SMIM23: variants seen among roughly 807,000 people sequenced by gnomAD.
The protein encoded by SMIM23 is small integral membrane protein 23, also known as CTB-78H18.1.
In SMIM23, 10 loss-of-function variants were observed where a neutral mutation model predicts 12.8. The ratio of observed to expected loss-of-function variants is 0.78; its 90% CI spans 0.48 to 1.32. The LOEUF is 1.32. SMIM23 is among the 40% of genes most tolerant of loss of function. SMIM23 has a pLI of 0.00. For synonymous variants in SMIM23, 78 were observed against 80.1 expected (o/e 0.97, Z 0.14); for missense variants, 184 against 198.2 (o/e 0.93, Z 0.43).
chr5:171,787,906 T>C (rs547974197), intron 1 of SMIM23, among the ~76,000 whole-genome samples: 1 of 152,280 alleles, frequency 6.6e-6, no homozygotes, highest in Admixed American at 6.5e-5. Flanking sequence ...ATTGTGTCTG[T>C]GAAACTCAAC....
At chr5:171,781,290 G>T (rs1037038367), upstream of SMIM23, among the ~76,000 whole-genome samples, 33 of 152,262 alleles carry the variant, frequency 2.2e-4, no homozygotes, top group Admixed American at 7.8e-4. Context: ...TCAAGATGGC[G>T]GCTCCGTCTT....
chr5:171,776,594 C>T, the SMIM23 span, among the ~76,000 whole-genome samples: 210 of 152,272 alleles, frequency 1.4e-3, 1 homozygote, highest in African/African-American at 4.9e-3. Flanking sequence ...CAGAAGACCA[C>T]TGATAGGGTC....
At chr5:171,777,701 G>A (rs1755664438), upstream of SMIM23, among the ~76,000 whole-genome samples, 1 of 152,192 alleles carries the variant, frequency 6.6e-6, no homozygotes. Context: ...CGAGAGCTCG[G>A]ACATCCCCCA....
chr5:171,777,866 G>C (rs1480003622), upstream of SMIM23, among the ~76,000 whole-genome samples: 1 of 152,166 alleles, frequency 6.6e-6, no homozygotes, highest in Non-Finnish European at 1.5e-5. Flanking sequence ...AGCAGCAGAA[G>C]CCTCCAGCCT....
chr5:171,778,472 C>G (rs1488610807), upstream of SMIM23, among the ~76,000 whole-genome samples: 1 of 148,474 alleles, frequency 6.7e-6, no homozygotes, highest in Non-Finnish European at 1.5e-5. Context: ...CACACACACA[C>G]ACACACACAC....
chr5:171,780,443 T>C (rs1755708344), upstream of SMIM23, among the ~76,000 whole-genome samples: 1 of 152,184 alleles, frequency 6.6e-6, no homozygotes, highest in Admixed American at 6.5e-5. Context: ...CTCCCTGCCC[T>C]GAGACCAAAT....
chr5:171,775,846 A>T, the SMIM23 span, among the ~76,000 whole-genome samples: 665 of 151,756 alleles, frequency 4.4e-3, 5 homozygotes, highest in African/African-American at 0.015. Context: ...CCCTTACGAC[A>T]ACCCTATAAG....
In SMIM23 at chr5:171,790,257, C is replaced by A. The variant is rs113755317; in HGVS notation, c.133C>A (p.Leu45Met). The A allele has an allele frequency of 3.8e-4, 584 of 1,536,072 alleles. 1 individual carries two copies. The African/African-American group carries it at 7.1e-3, about 19-fold the overall frequency. Reference sequence around the variant, plus strand: ...GCTGTTGGCATTGCTGATCTTGGTGCTGTACTTGAGCACAGAGATATGGGG... The same window carrying A: ...GCTGTTGGCATTGCTGATCTTGGTGATGTACTTGAGCACAGAGATATGGGG... Reference protein sequence around the residue: ...QTLLALLILVLYLSTEIWGSS... With the variant: ...QTLLALLILVMYLSTEIWGSS... Residue 45 changes from leucine (L) to methionine (M), a missense_variant, in exon 2 of 4, where the codon CTG (leucine) becomes ATG (methionine). Leu to Met is a conservative substitution (Grantham distance 15). Coordinates refer to ENST00000523047, the MANE Select transcript of SMIM23 (RefSeq NM_001289970.2).
chr5:171,781,880 G>GCACC (rs1392820473), upstream of SMIM23, among the ~76,000 whole-genome samples: 1 of 152,156 alleles, frequency 6.6e-6, no homozygotes, highest in East Asian at 1.9e-4. Context: ...GATTGTAAAT[G>GCACC]CACCAATCAG....
chr5:171,783,828 T>C (rs1352926228), upstream of SMIM23, among the ~76,000 whole-genome samples: 1 of 152,206 alleles, frequency 6.6e-6, no homozygotes, highest in East Asian at 1.9e-4. Flanking sequence ...GTATCTAAAA[T>C]GAGCAAAGAA....
the SMIM23 span, among the ~76,000 whole-genome samples, chr5:171,776,378 G>A: frequency 2.6e-5 from 4 of 152,160 alleles, no homozygotes; most frequent in South Asian, 8.3e-4. Flanking sequence ...TCACTTTCAC[G>A]TACATCGTCA....
chr5:171,784,791 G>T (rs1366014830), upstream of SMIM23, among the ~76,000 whole-genome samples: 1 of 152,158 alleles, frequency 6.6e-6, no homozygotes, highest in African/African-American at 2.4e-5. Context: ...GTTTTGAACA[G>T]GTTTGGAACG....
the SMIM23 span, among the ~76,000 whole-genome samples, chr5:171,775,542 T>C: frequency 2.6e-5 from 4 of 152,106 alleles, no homozygotes; most frequent in Non-Finnish European, 5.9e-5. Flanking sequence ...TCTCCTCCAG[T>C]TTGACTTACC....
At chr5:171,787,216 C>A (rs189709273) in intron 1 of SMIM23, among the ~76,000 whole-genome samples, 2 of 152,074 alleles carry the variant, frequency 1.3e-5, no homozygotes, top group African/African-American at 4.8e-5. Flanking sequence ...GACAGGGTTT[C>A]GCCATATTGG....
upstream of SMIM23, chr5:171,782,457 T>G (rs1209767117): frequency 6.6e-6 from 1 of 152,220 alleles, no homozygotes; most frequent in African/African-American, 2.4e-5. Flanking sequence ...CAACAGAAAC[T>G]AACAGTGCCG....
upstream of SMIM23, among the ~76,000 whole-genome samples, chr5:171,779,139 A>AT (rs1342741697): frequency 3.3e-5 from 5 of 152,154 alleles, no homozygotes; most frequent in Non-Finnish European, 5.9e-5. Flanking sequence ...CACAAAGTGA[A>AT]TTTTTTTCTA....
At position 171,791,073 on chromosome 5, in the gene SMIM23, CG is replaced by C; in HGVS notation, c.508del (p.Ala170GlnfsTer6). On this transcript the variant is annotated frameshift_variant, in exon 4 of 4. Transcript: ENST00000523047. LOFTEE classifies it high-confidence loss of function. ...AGGGGTTGCTAGAGATTTCTCTAAG[CG>C]GGGCAGAGCTCTGACTCTTGAAGTT... ...GEGLLEISLS[G>X]AEL 1 of 1,501,728 alleles carries C rather than the reference CG, an allele frequency of 6.7e-7. No homozygotes were observed. Among genetic ancestry groups the C allele is most frequent in the Non-Finnish European group, 8.8e-7 (1 of 1,131,116 alleles). 93.0% of individuals were successfully genotyped at this position (1,501,728 alleles called of 1,614,324 possible).
At chr5:171,773,806 C>A in the SMIM23 span, 2 of 456,212 alleles carry the variant, frequency 4.4e-6, no homozygotes, top group South Asian at 3.1e-5. Flanking sequence ...CAAGAAAAGC[C>A]GTGAAATCTA....
upstream of SMIM23, among the ~76,000 whole-genome samples, chr5:171,780,462 C>A (rs1419716754): frequency 6.6e-6 from 1 of 152,222 alleles, no homozygotes; most frequent in Non-Finnish European, 1.5e-5. Context: ...ATCCTGGAAG[C>A]TCTGCCTTCC....
Sources: gnomAD v4.1 joint callset for allele counts (sites outside exome capture counted in the v4.1 genomes callset) on GRCh38, gnomAD v4.1.1 for gene constraint, MANE v1.5 for transcripts, NCBI Gene and HGNC (gene_info 2026-07-23, HGNC 2026-07-21) for gene names.